The following MMAA variants were observed in gnomAD, a reference collection of about 807,000 sequenced individuals.
The protein encoded by MMAA is methylmalonic aciduria type A protein, mitochondrial.
MMAA carries 41 observed loss-of-function variants against 45.0 expected under a neutral mutation model. The observed-to-expected ratio is 0.91, with a 90% confidence interval of 0.71 to 1.18. The LOEUF (loss-of-function observed/expected upper bound fraction) is 1.18. Among genes scored for constraint, MMAA ranks in the 50% most tolerant of loss-of-function variants. The probability of loss-of-function intolerance (pLI) is 0.00; values close to 1 mark genes in which losing one functional copy is unlikely to be tolerated. For synonymous variants in MMAA, 154 were observed against 178.2 expected, an observed-to-expected ratio of 0.86 and a Z score of 1.08; for missense variants, 460 against 495.7, an observed-to-expected ratio of 0.93 and a Z score of 0.68.
At chr4:145,655,039 T>G (rs1728186153) in intron 6 of MMAA, 108 bp from the exon 7 acceptor site, 1 of 1,164,244 alleles carries the variant, frequency 8.6e-7, no homozygotes, top group East Asian at 2.5e-5. Flanking sequence ...CTCTTGTCAA[T>G]TGCCTATTTT....
intron 1 of MMAA, among the ~76,000 whole-genome samples, chr4:145,633,908 C>T (rs1369112397): frequency 6.6e-6 from 1 of 152,232 alleles, no homozygotes; most frequent in Non-Finnish European, 1.5e-5. Flanking sequence ...CCCATACTTT[C>T]TCCCAAACAG....
intron 1 of MMAA, among the ~76,000 whole-genome samples, chr4:145,623,745 T>C (rs1194237309): frequency 6.6e-6 from 1 of 152,158 alleles, no homozygotes; most frequent in African/African-American, 2.4e-5. Flanking sequence ...CAATTAAACG[T>C]TAGGGAAGTT....
intron 1 of MMAA, chr4:145,625,717 C>A (rs545579659): frequency 6.8e-7 from 1 of 1,471,082 alleles, no homozygotes; most frequent in African/African-American, 1.4e-5. Flanking sequence ...TGGGTACACT[C>A]CAGTTGATGA....
chr4:145,634,900 C>T (rs1367397418), intron 1 of MMAA, among the ~76,000 whole-genome samples: 1 of 151,936 alleles, frequency 6.6e-6, no homozygotes, highest in Non-Finnish European at 1.5e-5. Context: ...GGTGCCCCAT[C>T]CTGCTGTGAC....
rs1008298264 is a variant in MMAA, at chr4:145,657,420, T to C, written c.*1986T>C. 1.3e-5 allele frequency: 2 copies of C among 152,232 alleles called. No homozygotes were observed. Among genetic ancestry groups the C allele is most frequent in the Admixed American group, 6.5e-5 (1 of 15,298 alleles). The allele number at this position is 152,232 out of a possible 1,614,324, so 9.4% of individuals were successfully genotyped here. A position where few individuals can be genotyped will look rare whatever the true frequency, so the allele number is the denominator to read the frequency against. On this transcript the variant is annotated 3_prime_UTR_variant, in exon 7 of 7. Coordinates refer to ENST00000649156, the MANE Select transcript of MMAA (RefSeq NM_172250.3). ...AAATCCTATTCCCTCTCCCCATCTG[T>C]GATTATATTGTACTGGACTTCTGAC...
At position 145,639,126 on chromosome 4, in the gene MMAA, C is replaced by T. The variant is rs138947726; in HGVS notation, c.-14C>T. 3,649 of 1,613,862 alleles carry T rather than the reference C, an allele frequency of 2.3e-3. 6 individuals carry two copies. Among genetic ancestry groups the T allele is most frequent in the Non-Finnish European group, 2.8e-3 (3,344 of 1,179,778 alleles). On this transcript the variant is annotated 5_prime_UTR_variant, in exon 2 of 7. Coordinates refer to ENST00000649156, the MANE Select transcript of MMAA (RefSeq NM_172250.3). ...ACGCATCCAGTGTTTTCTCCAGTTA[C>T]AAATAAAACGAATATGCCCATGCTG... is the stretch of plus-strand genomic sequence containing the variant.
At chr4:145,627,582 A>G (rs1035232763) in intron 1 of MMAA, among the ~76,000 whole-genome samples, 4 of 152,192 alleles carry the variant, frequency 2.6e-5, no homozygotes, top group Non-Finnish European at 5.9e-5. Flanking sequence ...GGAGCGGTCT[A>G]TAAGTAGATA....
At chr4:145,646,583 G>A (rs1424582309) in intron 4 of MMAA, 1 of 196,962 alleles carries the variant, frequency 5.1e-6, no homozygotes, top group East Asian at 1.4e-4. Flanking sequence ...ATAGTTACAT[G>A]TGATGAAGAC....
chr4:145,629,492 A>G (rs1203556947), intron 1 of MMAA, among the ~76,000 whole-genome samples: 3 of 152,186 alleles, frequency 2.0e-5, no homozygotes, highest in East Asian at 1.9e-4. Flanking sequence ...AATTCATTCT[A>G]TAAGGCCAGT....
rs932495152 is a variant in MMAA at position 145,658,236 on chromosome 4, C to G, written c.*2802C>G. 11 of 152,178 alleles carry G rather than the reference C, an allele frequency of 7.2e-5. No individual in the cohort carries two copies. The highest frequency in any genetic ancestry group is 3.9e-4 in the Admixed American group (6 of 15,276). The allele number at this position is 152,178 out of a possible 1,614,324, so 9.4% of individuals were successfully genotyped here. ...TTTTCTTTATAAATTTATAAATTACCCAGTCGCAGATATTTATAGAAAGAA... is the reference window on the plus strand; with the variant it reads ...TTTTCTTTATAAATTTATAAATTACGCAGTCGCAGATATTTATAGAAAGAA... On this transcript the variant is annotated 3_prime_UTR_variant, in exon 7 of 7. Coordinates refer to ENST00000649156, the MANE Select transcript of MMAA (RefSeq NM_172250.3).
chr4:145,635,778 G>A lies in MMAA; in HGVS notation c.-65-3297G>A, dbSNP rs980810691. Among the ~76,000 whole-genome samples the A allele has an allele frequency of 1.1e-4, 17 of 152,170 alleles. 1 individual carries two copies. Among genetic ancestry groups the A allele is most frequent in the African/African-American group, 3.1e-4 (13 of 41,448 alleles). On this transcript the variant is annotated intron_variant, in intron 1 of 6. Coordinates refer to ENST00000649156, the MANE Select transcript of MMAA (RefSeq NM_172250.3). ...TCTATCCTGCAGATTTCCTCTCTCTGTTCTTTGGCTCCTCCTCATGCCACC... is the reference window on the plus strand; with the variant it reads ...TCTATCCTGCAGATTTCCTCTCTCTATTCTTTGGCTCCTCCTCATGCCACC...
intron 1 of MMAA, among the ~76,000 whole-genome samples, chr4:145,623,248 C>G (rs917542139): frequency 6.6e-6 from 1 of 152,176 alleles, no homozygotes; most frequent in African/African-American, 2.4e-5. Context: ...CACCAGGTGT[C>G]AAGCTCCACT....
intron 1 of MMAA, among the ~76,000 whole-genome samples, chr4:145,628,670 T>C (rs1017000321): frequency 6.6e-6 from 1 of 152,266 alleles, no homozygotes; most frequent in Non-Finnish European, 1.5e-5. Flanking sequence ...GCAACTTTAA[T>C]TCCCTATTTG....
intron 1 of MMAA, among the ~76,000 whole-genome samples, chr4:145,634,107 G>A (rs780406480): frequency 6.6e-6 from 1 of 152,208 alleles, no homozygotes; most frequent in Non-Finnish European, 1.5e-5. Context: ...TACAGTCAGC[G>A]AGTGGCAAAG....
At chr4:145,649,103 A>G (rs968750784) in intron 4 of MMAA, among the ~76,000 whole-genome samples, 4 of 151,220 alleles carry the variant, frequency 2.6e-5, no homozygotes, top group East Asian at 1.9e-4. Context: ...AGCCTGGGCA[A>G]CATAGCAAGC....
chr4:145,621,739 G>A (rs1734094358), intron 1 of MMAA, among the ~76,000 whole-genome samples: 1 of 152,138 alleles, frequency 6.6e-6, no homozygotes, highest in African/African-American at 2.4e-5. Context: ...CTGATCTACT[G>A]TATTGATTTA....
chr4:145,633,196 CTTTTTTTTTT>C (rs941603291), intron 1 of MMAA, among the ~76,000 whole-genome samples: 18 of 88,476 alleles, frequency 2.0e-4, no homozygotes, highest in African/African-American at 7.0e-4. Flanking sequence ...ATTTCTTTTT[CTTTTTTTTTT>C]TTTTTTTTTT....
Position 145,639,267 on chromosome 4 carries a change from C to T in MMAA, c.128C>T (p.Pro43Leu), listed in dbSNP as rs886059088. Reference protein sequence around the residue: ...HLGSGIPCAQPFNSLGLHCTK... With the variant: ...HLGSGIPCAQLFNSLGLHCTK... ...GGATCAGGAATCCCATGTGCTCAGC[C>T]GTTTAATTCTCTTGGACTCCATTGT... The change falls in exon 2 of 7, where the codon CCG becomes CTG. Residue 43 changes from proline (P) to leucine (L), a missense_variant. Coordinates refer to ENST00000649156, the MANE Select transcript of MMAA (RefSeq NM_172250.3). 8 of 1,614,114 alleles carry T rather than the reference C, an allele frequency of 5.0e-6. No individual in the cohort carries two copies. Among genetic ancestry groups the T allele is most frequent in the East Asian group, 2.2e-5 (1 of 44,876 alleles).
intron 4 of MMAA, among the ~76,000 whole-genome samples, chr4:145,647,649 C>T (rs1727967975): frequency 1.3e-5 from 2 of 152,120 alleles, no homozygotes; most frequent in South Asian, 4.2e-4. Flanking sequence ...AGATGGCTGC[C>T]TTCTTGCTGC....
Sources: allele counts gnomAD v4.1 joint callset (sites outside exome capture counted in the v4.1 genomes callset), GRCh38; gene constraint gnomAD v4.1.1; transcripts MANE v1.5; gene names NCBI Gene and HGNC (gene_info 2026-07-23, HGNC 2026-07-21).